The following OXR1 variants were observed in gnomAD, a reference collection of about 807,000 sequenced individuals.
The protein encoded by OXR1 is oxidation resistance 1, also known as oxidation resistance protein 1.
A neutral mutation model predicts 104.6 loss-of-function variants in OXR1; 41 were observed. The observed-to-expected ratio is 0.39, with a 90% CI of 0.31 to 0.51. The LOEUF (loss-of-function observed/expected upper bound fraction) is 0.51, where lower values mean the gene tolerates loss of function less well. OXR1 is among the 20% of genes least tolerant of loss of function. The probability of loss-of-function intolerance (pLI) is 0.77; values close to 1 mark genes in which losing one functional copy is unlikely to be tolerated. For synonymous variants in OXR1, 348 were observed against 348.4 expected (o/e 1.00, Z 0.01); for missense variants, 955 against 1,031.9 (o/e 0.93, Z 1.02).
At chr8:106,384,937 A>T (rs1256371348) in intron 2 of OXR1, among the ~76,000 whole-genome samples, 2 of 150,066 alleles carry the variant, frequency 1.3e-5, no homozygotes, top group African/African-American at 4.9e-5. Context: ...CTGGTCTTGA[A>T]CTCCTGGACT....
At position 106,346,244 on chromosome 8, in the gene OXR1, G is replaced by A. The variant is rs112473470; in HGVS notation, c.-138-13232G>A. Among the ~76,000 whole-genome samples, 602 of 152,220 alleles carry A rather than the reference G, an allele frequency of 4.0e-3. 2 individuals are homozygous for A. Among genetic ancestry groups the A allele is most frequent in the Non-Finnish European group, 7.0e-3 (477 of 68,018 alleles). Reference sequence around the variant, plus strand: ...TAATGAAAAAGAGCTAGAATATTACGCATCCAAAGATAGGTTAGCATAACT... The same window carrying A: ...TAATGAAAAAGAGCTAGAATATTACACATCCAAAGATAGGTTAGCATAACT... On this transcript the variant is annotated intron_variant, in intron 1 of 16. Transcript: ENST00000517566.
At chr8:106,729,559 T>C (rs1235850770) in intron 11 of OXR1, among the ~76,000 whole-genome samples, 4 of 152,132 alleles carry the variant, frequency 2.6e-5, no homozygotes, top group Admixed American at 6.5e-5. Flanking sequence ...TATTCTTCAA[T>C]ATTATGCCGC....
At chr8:106,666,044 A>G (rs1400000070) in intron 3 of OXR1, among the ~76,000 whole-genome samples, 3 of 152,204 alleles carry the variant, frequency 2.0e-5, no homozygotes, top group Admixed American at 1.3e-4. Context: ...TCAAAAATCT[A>G]TTTTTAATTT....
chr8:106,690,648 T>C (rs532961084), intron 6 of OXR1, among the ~76,000 whole-genome samples: 1 of 151,714 alleles, frequency 6.6e-6, no homozygotes, highest in Non-Finnish European at 1.5e-5. Context: ...GATCCCGATA[T>C]TTTAATTTTA....
chr8:106,494,762 A>G (rs1811311658), intron 2 of OXR1, among the ~76,000 whole-genome samples: 1 of 152,230 alleles, frequency 6.6e-6, no homozygotes, highest in South Asian at 2.1e-4. Context: ...AAGCTGTTAG[A>G]TGACAGCAGA....
At chr8:106,374,481 C>T (rs1816832585) in intron 2 of OXR1, among the ~76,000 whole-genome samples, 1 of 152,126 alleles carries the variant, frequency 6.6e-6, no homozygotes, top group Admixed American at 6.5e-5. Flanking sequence ...ATCTATTTTT[C>T]ATAATAACTA....
chr8:106,750,907 T>C lies in OXR1; in HGVS notation c.2588T>C (p.Phe863Ser). The stretch of plus-strand genomic sequence containing the variant: ...ACACTTTCTAAGAAGGAAGATTTCT[T>C]TATCCAAGATATTGAAATCTGGGCT... Reference protein sequence around the residue: ...NRTLSKKEDFFIQDIEIWAFE With the variant: ...NRTLSKKEDFSIQDIEIWAFE Residue 863 changes from phenylalanine (F) to serine (S), a missense_variant, in exon 17 of 17, where the codon TTT becomes TCT. Transcript: ENST00000517566. The C allele has an allele frequency of 6.2e-7, 1 of 1,605,882 alleles. No homozygotes were observed. The highest frequency in any genetic ancestry group is 8.5e-7 in the Non-Finnish European group (1 of 1,176,124).
intron 2 of OXR1, among the ~76,000 whole-genome samples, chr8:106,487,198 A>G (rs778450851): frequency 4.6e-5 from 7 of 151,450 alleles, no homozygotes; most frequent in Non-Finnish European, 8.8e-5. Context: ...TAATTTTTGT[A>G]TTTTTAGTAG....
intron 3 of OXR1, among the ~76,000 whole-genome samples, chr8:106,577,380 T>TC (rs1202761193): frequency 2.1e-5 from 1 of 47,528 alleles, no homozygotes; most frequent in African/African-American, 1.0e-4. Context: ...CCAGCTAACT[T>TC]TTTTTTTTTT....
chr8:106,535,222 A>G (rs1375707247), intron 3 of OXR1, among the ~76,000 whole-genome samples: 1 of 152,018 alleles, frequency 6.6e-6, no homozygotes, highest in Non-Finnish European at 1.5e-5. Context: ...CTTGGACGAG[A>G]ACTATGATCT....
At chr8:106,377,095 G>T (rs909535229) in intron 2 of OXR1, among the ~76,000 whole-genome samples, 1 of 152,094 alleles carries the variant, frequency 6.6e-6, no homozygotes, top group African/African-American at 2.4e-5. Flanking sequence ...CAAAAAGGGG[G>T]GAGAACTACA....
chr8:106,571,301 GCTCTCTTC>G (rs1442311732), intron 3 of OXR1, among the ~76,000 whole-genome samples: 3 of 151,996 alleles, frequency 2.0e-5, no homozygotes, highest in Admixed American at 2.0e-4. Flanking sequence ...TCTTGTGAAG[GCTCTCTTC>G]CTGGCTTGTA....
At chr8:106,643,159 A>C (rs922412637) in intron 3 of OXR1, among the ~76,000 whole-genome samples, 15 of 152,326 alleles carry the variant, frequency 9.8e-5, no homozygotes, top group African/African-American at 3.6e-4. Context: ...AATGATCCCA[A>C]CAGTTTAGAA....
chr8:106,749,558 CTAAG>C (rs1158642743), intron 16 of OXR1, among the ~76,000 whole-genome samples: 1 of 152,110 alleles, frequency 6.6e-6, no homozygotes, highest in Non-Finnish European at 1.5e-5. Context: ...AGTGACTTAA[CTAAG>C]TTTGACATAA....
At chr8:106,383,777 A>G (rs1196535969) in intron 2 of OXR1, among the ~76,000 whole-genome samples, 1 of 152,206 alleles carries the variant, frequency 6.6e-6, no homozygotes, top group African/African-American at 2.4e-5. Flanking sequence ...GTCTGAAGCC[A>G]TACATCGTAA....
chr8:106,457,986 GT>G (rs757096725), intron 2 of OXR1, among the ~76,000 whole-genome samples: 46 of 152,044 alleles, frequency 3.0e-4, no homozygotes, highest in Non-Finnish European at 5.7e-4. Context: ...TAAAGACTGA[GT>G]TTATAGCTAA....
chr8:106,372,419 T>G lies in OXR1; in HGVS notation c.23+12783T>G, dbSNP rs571763000. ...ACATGCTTATTATGTTTTTTTTTTT[T>G]CGATGGCAGCCTTAGAACACTGCTG... On this transcript the variant is annotated intron_variant, in intron 2 of 16. Transcript: ENST00000517566. Among the ~76,000 whole-genome samples the G allele has an allele frequency of 1.6e-4, 25 of 151,740 alleles. No individual in the cohort carries two copies. The South Asian group carries it at 5.2e-3, about 32-fold the overall frequency.
chr8:106,709,328 A>T (rs1779915627), intron 9 of OXR1, among the ~76,000 whole-genome samples: 1 of 152,148 alleles, frequency 6.6e-6, no homozygotes, highest in African/African-American at 2.4e-5. Flanking sequence ...ATGGCTTTAA[A>T]GGCCCTAAAA....
intron 1 of OXR1, among the ~76,000 whole-genome samples, chr8:106,298,764 C>T (rs1484571127): frequency 2.0e-5 from 3 of 151,680 alleles, no homozygotes; most frequent in Non-Finnish European, 1.5e-5. Context: ...AACAAATAAA[C>T]AAACAAACAA....
Sources: allele counts gnomAD v4.1 joint callset (sites outside exome capture counted in the v4.1 genomes callset), GRCh38; gene constraint gnomAD v4.1.1; transcripts MANE v1.5; gene names NCBI Gene and HGNC (gene_info 2026-07-23, HGNC 2026-07-21).